CTPS2: variants seen among roughly 807,000 people sequenced by gnomAD.
CTPS2 encodes the protein CTP synthase 2, also known as CTP synthase II.
CTPS2 carries 19 observed loss-of-function variants against 46.8 expected under a neutral mutation model. That is an observed-to-expected ratio of 0.41 (90% CI 0.28 to 0.60). CTPS2 has a LOEUF of 0.60. Ranked by LOEUF, CTPS2 falls within the 20% of genes least tolerant of loss-of-function variation. The pLI is 0.35. For missense variants in CTPS2, 286 were observed against 447.6 expected (o/e 0.64, Z 3.26); for synonymous variants, 151 against 165.2 (o/e 0.91, Z 0.66).
chrX:16,617,078 G>A, intron 16 of CTPS2, 72 bp downstream of exon 16: 1 of 725,414 alleles, frequency 1.4e-6, no homozygotes, highest in South Asian at 2.6e-5. Context: ...AAAAAACTGG[G>A]TCTCAAATTA....
intron 13 of CTPS2, among the ~76,000 whole-genome samples, chrX:16,642,509 G>A (rs895239216): frequency 8.1e-5 from 9 of 111,409 alleles, no homozygotes; most frequent in African/African-American, 2.9e-4. Context: ...CACATACTCA[G>A]GCAAAGAACG....
intron 9 of CTPS2, among the ~76,000 whole-genome samples, chrX:16,679,853 C>T (rs989705994): frequency 9.0e-6 from 1 of 111,717 alleles, no homozygotes; most frequent in African/African-American, 3.3e-5. Flanking sequence ...GACTTCCAGC[C>T]TCCAGAACTG....
At chrX:16,680,431 T>C in intron 9 of CTPS2, among the ~76,000 whole-genome samples, 1 of 108,330 alleles carries the variant, frequency 9.2e-6, no homozygotes, top group East Asian at 2.9e-4. Flanking sequence ...GGCGGGCACC[T>C]GTAATCCCAG....
At chrX:16,703,411 A>G (rs1364196505) in intron 1 of CTPS2, among the ~76,000 whole-genome samples, 1 of 109,899 alleles carries the variant, frequency 9.1e-6, no homozygotes, top group Non-Finnish European at 1.9e-5. Context: ...GCTCACTGCA[A>G]CCTTGAACTT....
intron 17 of CTPS2, among the ~76,000 whole-genome samples, chrX:16,602,671 T>C (rs973813401): frequency 1.8e-5 from 2 of 112,192 alleles, no homozygotes; most frequent in Non-Finnish European, 3.8e-5. Context: ...CTGTAATTAA[T>C]AAAGAATTTA....
chrX:16,636,271 T>G (rs1475350940), intron 14 of CTPS2, among the ~76,000 whole-genome samples: 1 of 111,479 alleles, frequency 9.0e-6, no homozygotes, highest in African/African-American at 3.3e-5. Context: ...AGTGGGTGCC[T>G]GTAATCCCAG....
intron 13 of CTPS2, among the ~76,000 whole-genome samples, chrX:16,640,297 A>G (rs1342918531): frequency 9.0e-6 from 1 of 111,107 alleles, no homozygotes; most frequent in African/African-American, 3.3e-5. Context: ...CTCTGCCTGG[A>G]CAATCTCCTC....
chrX:16,687,708 T>C (rs975045020), intron 8 of CTPS2, among the ~76,000 whole-genome samples: 1 of 110,634 alleles, frequency 9.0e-6, no homozygotes, highest in Admixed American at 9.8e-5. Context: ...TCCTTCCTGA[T>C]TCCACTTGCC....
intron 13 of CTPS2, among the ~76,000 whole-genome samples, chrX:16,649,941 GA>G (rs945836671): frequency 9.0e-6 from 1 of 111,639 alleles, no homozygotes; most frequent in African/African-American, 3.3e-5. Context: ...ATCTCAGGGG[GA>G]AAAAAATCCA....
intron 1 of CTPS2, chrX:16,711,910 G>C (rs1925487636): frequency 9.0e-6 from 1 of 111,070 alleles, no homozygotes; most frequent in Non-Finnish European, 1.9e-5. Flanking sequence ...CCATGTTACC[G>C]GCGCTGATCA....
At chrX:16,707,891 A>C (rs1362400482) in intron 1 of CTPS2, among the ~76,000 whole-genome samples, 2 of 111,614 alleles carry the variant, frequency 1.8e-5, no homozygotes, top group Non-Finnish European at 3.8e-5. Flanking sequence ...CTGAGGCAGG[A>C]GAATCACTTG....
chrX:16,685,245 C>T (rs771718427), intron 8 of CTPS2, among the ~76,000 whole-genome samples: 10 of 111,898 alleles, frequency 8.9e-5, no homozygotes, highest in Non-Finnish European at 1.5e-4. Context: ...GAGACAACAT[C>T]AGCTCTGCCC....
In CTPS2 at chrX:16,658,504, G is replaced by A. The variant is rs1355490724; in HGVS notation, c.1296+9010C>T. On this transcript the variant is annotated intron_variant, in intron 13 of 18. Coordinates refer to ENST00000359276, the MANE Select transcript of CTPS2 (RefSeq NM_175859.3). Reference sequence around the variant, plus strand: ...TTTCTAATTCTTCTAAATGTAATGAGTACCTATTCATATTTCTGTCAACAT... The same window carrying A: ...TTTCTAATTCTTCTAAATGTAATGAATACCTATTCATATTTCTGTCAACAT... Among the ~76,000 whole-genome samples the A allele has an allele frequency of 6.2e-5, 7 of 112,162 alleles. No individual in the cohort carries two copies. In the South Asian group the frequency reaches 2.6e-3, roughly 41 times the overall value.
chrX:16,674,794 C>CAT (rs1922119301), intron 10 of CTPS2, among the ~76,000 whole-genome samples: 1 of 105,268 alleles, frequency 9.5e-6, no homozygotes, highest in African/African-American at 3.5e-5. Flanking sequence ...GCAGAGATTG[C>CAT]GCCACTGCAC....
At chrX:16,708,935 C>T (rs1052627511) in intron 1 of CTPS2, among the ~76,000 whole-genome samples, 5 of 109,778 alleles carry the variant, frequency 4.6e-5, no homozygotes, top group Non-Finnish European at 9.5e-5. Context: ...ATGGTGAAAC[C>T]CTGTCTCTAC....
chrX:16,694,619 G>A (rs1240236787), intron 4 of CTPS2, among the ~76,000 whole-genome samples: 1 of 112,706 alleles, frequency 8.9e-6, no homozygotes, highest in Non-Finnish European at 1.9e-5. Context: ...GTTTAGTTTA[G>A]TAGTCGGGCC....
intron 13 of CTPS2, among the ~76,000 whole-genome samples, chrX:16,645,021 C>T (rs1052012772): frequency 4.5e-5 from 5 of 111,942 alleles, no homozygotes; most frequent in Admixed American, 9.5e-5. Context: ...CTTGCTCTGT[C>T]GCCCAGGCTG....
At chrX:16,646,009 T>A (rs1932301218) in intron 13 of CTPS2, among the ~76,000 whole-genome samples, 1 of 112,792 alleles carries the variant, frequency 8.9e-6, no homozygotes, top group Admixed American at 9.4e-5. Flanking sequence ...ATTTCTCTTC[T>A]TTATAAATTA....
At chrX:16,710,088 G>A (rs1046705473) in intron 1 of CTPS2, among the ~76,000 whole-genome samples, 3 of 109,378 alleles carry the variant, frequency 2.7e-5, no homozygotes, top group Admixed American at 9.9e-5. Context: ...TCCCCCCAAA[G>A]CCAGCCATAA....
Sources: gnomAD v4.1 joint callset for allele counts (sites outside exome capture counted in the v4.1 genomes callset) on GRCh38, gnomAD v4.1.1 for gene constraint, MANE v1.5 for transcripts, NCBI Gene and HGNC (gene_info 2026-07-23, HGNC 2026-07-21) for gene names.